ZFHX3: variants seen among roughly 807,000 people sequenced by gnomAD.
The protein encoded by ZFHX3 is zinc finger homeobox 3.
In ZFHX3, 42 loss-of-function variants were observed where a neutral mutation model predicts 279.1. That is an observed-to-expected ratio of 0.15 (90% CI 0.12 to 0.19). ZFHX3 has a LOEUF of 0.19. Among genes scored for constraint, ZFHX3 ranks in the 10% least tolerant of loss-of-function variants. ZFHX3 has a pLI of 1.00. For missense variants in ZFHX3, 4,981 were observed against 4,754.0 expected, an observed-to-expected ratio of 1.05 and a Z score of -1.40; for synonymous variants, 2,293 against 1,957.8, an observed-to-expected ratio of 1.17 and a Z score of -4.52.
intron 1 of ZFHX3, among the ~76,000 whole-genome samples, chr16:73,760,494 C>A (rs1952357137): frequency 6.6e-6 from 1 of 151,962 alleles, no homozygotes; most frequent in South Asian, 2.1e-4. Context: ...ATACCAAAAC[C>A]TGGCAGCATC....
intron 5 of ZFHX3, among the ~76,000 whole-genome samples, chr16:73,238,833 C>A (rs1005061040): frequency 6.6e-6 from 1 of 152,198 alleles, no homozygotes; most frequent in Non-Finnish European, 1.5e-5. Flanking sequence ...ATATGAGGTT[C>A]CTGCTTCCTG....
At chr16:72,995,739 T>C (rs1666827026) in intron 1 of ZFHX3, among the ~76,000 whole-genome samples, 1 of 152,194 alleles carries the variant, frequency 6.6e-6, no homozygotes, top group Non-Finnish European at 1.5e-5. Context: ...GGGCCAATCA[T>C]GCAACTTCAC....
chr16:72,879,672 C>T (rs963017006), intron 4 of ZFHX3, among the ~76,000 whole-genome samples: 7 of 152,158 alleles, frequency 4.6e-5, no homozygotes, highest in South Asian at 4.1e-4. Flanking sequence ...GTGATCCGCC[C>T]GCCTCGGCCT....
chr16:73,647,012 C>A (rs2078583), intron 2 of ZFHX3, among the ~76,000 whole-genome samples: 80,416 of 136,430 alleles, frequency 0.59, 24,467 homozygotes, highest in East Asian at 0.83. Context: ...GTTGTGCCAA[C>A]CTTTTTTTTT....
chr16:73,116,120 CAA>C lies in ZFHX3; in HGVS notation c.-897+14846_-897+14847del, dbSNP rs1229813862. 9.4e-3 allele frequency among the ~76,000 whole-genome samples: 1,244 copies of C among 132,440 alleles called. 16 individuals carry two copies. The highest frequency in any genetic ancestry group is 0.03 in the African/African-American group (1,087 of 36,642). 86.9% of individuals were successfully genotyped at this position (132,440 alleles called of 152,430 possible). On this transcript the variant is annotated intron_variant, in intron 7 of 17. Transcript: ENST00000641206. ...GGGCAACAAGAGCGAAACTCTGTCTCAAAAAAAAAAAAAAAAAATGTTGCTCT... is the reference window on the plus strand; with the variant it reads ...GGGCAACAAGAGCGAAACTCTGTCTCAAAAAAAAAAAAAAAATGTTGCTCT...
chr16:72,881,605 G>A (rs1050111390), intron 4 of ZFHX3, among the ~76,000 whole-genome samples: 18 of 152,238 alleles, frequency 1.2e-4, no homozygotes, highest in South Asian at 2.1e-4. Context: ...TCCTAAAGAC[G>A]GTACAGGTAC....
intron 1 of ZFHX3, among the ~76,000 whole-genome samples, chr16:72,990,504 GACAA>G (rs1400940653): frequency 2.6e-5 from 4 of 152,150 alleles, no homozygotes; most frequent in African/African-American, 9.7e-5. Context: ...CCACGGATGG[GACAA>G]ACAGACAGGA....
intron 7 of ZFHX3, among the ~76,000 whole-genome samples, chr16:73,129,248 C>T (rs1431710446): frequency 6.6e-6 from 1 of 151,936 alleles, no homozygotes; most frequent in African/African-American, 2.4e-5. Context: ...ATTAGCCAGG[C>T]GTGGTGGTGG....
At chr16:73,238,811 C>T (rs886569190) in intron 5 of ZFHX3, among the ~76,000 whole-genome samples, 1 of 152,186 alleles carries the variant, frequency 6.6e-6, no homozygotes, top group Non-Finnish European at 1.5e-5. Context: ...TCTTTCATGC[C>T]TCTAGGATTC....
chr16:73,199,037 C>T (rs1201918359), intron 5 of ZFHX3, among the ~76,000 whole-genome samples: 10 of 152,208 alleles, frequency 6.6e-5, no homozygotes, highest in Non-Finnish European at 1.5e-5. Flanking sequence ...AAACAAAGCT[C>T]TTTGACTATT....
chr16:73,010,964 T>G (rs1379356314), intron 1 of ZFHX3, among the ~76,000 whole-genome samples: 1 of 151,756 alleles, frequency 6.6e-6, no homozygotes, highest in African/African-American at 2.4e-5. Flanking sequence ...ACCACCGCAC[T>G]GGGTTAATTT....
At position 73,204,656 on chromosome 16, in the gene ZFHX3, G is replaced by C. The variant is rs563834004; in HGVS notation, c.-1104+52391C>G. 4.6e-5 allele frequency among the ~76,000 whole-genome samples: 7 copies of C among 152,300 alleles called. No individual in the cohort carries two copies. The East Asian group carries it at 9.7e-4, about 21-fold the overall frequency. ...CATGGACTGGTACCAGTCCCTGAGG[G>C]AACCCTGCTGTCTTGGGAGCTCTAT... On this transcript the variant is annotated intron_variant, in intron 5 of 17. Transcript: ENST00000641206.
chr16:73,776,488 G>C (rs1314178323), intron 1 of ZFHX3, among the ~76,000 whole-genome samples: 1 of 152,136 alleles, frequency 6.6e-6, no homozygotes, highest in Non-Finnish European at 1.5e-5. Flanking sequence ...GTGCCTTCTG[G>C]CTATCGACGA....
chr16:73,157,483 A>AAC, intron 5 of ZFHX3, among the ~76,000 whole-genome samples: 1 of 151,070 alleles, frequency 6.6e-6, no homozygotes, highest in African/African-American at 2.4e-5. Flanking sequence ...AAAAAAAAAA[A>AAC]GGCCAGTCCA....
chr16:72,877,728 T>C (rs1182336742), intron 4 of ZFHX3, among the ~76,000 whole-genome samples: 2 of 152,222 alleles, frequency 1.3e-5, no homozygotes, highest in East Asian at 1.9e-4. Context: ...AAGAGCTATG[T>C]TGATCCCAGA....
intron 5 of ZFHX3, among the ~76,000 whole-genome samples, chr16:73,250,043 T>C (rs1203553354): frequency 1.3e-5 from 2 of 152,226 alleles, no homozygotes; most frequent in African/African-American, 4.8e-5. Context: ...GTCTATGTAA[T>C]GCAGAAGGTA....
At chr16:72,982,508 T>C (rs551076268) in intron 1 of ZFHX3, among the ~76,000 whole-genome samples, 15 of 152,268 alleles carry the variant, frequency 9.9e-5, no homozygotes, top group Admixed American at 3.3e-4. Context: ...TTCCAAAACA[T>C]GTATCATCTA....
At chr16:72,790,251 A>ACACCCCCCAT (rs2035642248) in intron 9 of ZFHX3, 3 of 152,786 alleles carry the variant, frequency 2.0e-5, no homozygotes, top group African/African-American at 4.8e-5. Flanking sequence ...GACGATGAAA[A>ACACCCCCCAT]GCTGAGAAAA....
intron 4 of ZFHX3, among the ~76,000 whole-genome samples, chr16:72,856,861 T>G (rs551308323): frequency 6.6e-6 from 1 of 152,220 alleles, no homozygotes; most frequent in East Asian, 1.9e-4. Flanking sequence ...GGGCCTGGCT[T>G]ATAAATACAG....
Sources: gnomAD v4.1 joint callset for allele counts (sites outside exome capture counted in the v4.1 genomes callset) on GRCh38, gnomAD v4.1.1 for gene constraint, MANE v1.5 for transcripts, NCBI Gene and HGNC (gene_info 2026-07-23, HGNC 2026-07-21) for gene names.